The following CSMD1 variants were observed in gnomAD, a reference collection of about 807,000 sequenced individuals.
The protein encoded by CSMD1 is CUB and Sushi multiple domains 1, also known as CUB and sushi domain-containing protein 1.
CSMD1 carries 213 observed loss-of-function variants against 417.5 expected under a neutral mutation model. The observed-to-expected ratio is 0.51, with a 90% CI of 0.46 to 0.57. CSMD1 has a LOEUF of 0.57. Ranked by LOEUF, CSMD1 falls within the 20% of genes least tolerant of loss-of-function variation. The pLI, the probability that CSMD1 is intolerant of heterozygous loss-of-function variation, is 0.00. For synonymous variants in CSMD1, 2,862 were observed against 1,736.8 expected, an observed-to-expected ratio of 1.65 and a Z score of -16.11; for missense variants, 6,923 against 4,529.7, an observed-to-expected ratio of 1.53 and a Z score of -15.17.
At chr8:4,492,640 G>C (rs1801763614) in intron 2 of CSMD1, among the ~76,000 whole-genome samples, 1 of 152,074 alleles carries the variant, frequency 6.6e-6, no homozygotes, top group African/African-American at 2.4e-5. Flanking sequence ...TGCCGCCTTT[G>C]GATTTATATT....
At chr8:4,279,428 T>C (rs117339191) in intron 3 of CSMD1, among the ~76,000 whole-genome samples, 109 of 152,324 alleles carry the variant, frequency 7.2e-4, no homozygotes, top group Non-Finnish European at 1.2e-3. Flanking sequence ...TTTGGCAGTA[T>C]TGTCCTTGGA....
chr8:4,897,989 C>G (rs946043016), intron 1 of CSMD1, among the ~76,000 whole-genome samples: 4 of 152,046 alleles, frequency 2.6e-5, no homozygotes, highest in Admixed American at 6.5e-5. Flanking sequence ...GGGCTACTTT[C>G]TTTTAGCTCT....
chr8:4,695,644 G>T (rs1398272820), intron 1 of CSMD1, among the ~76,000 whole-genome samples: 1 of 152,000 alleles, frequency 6.6e-6, no homozygotes, highest in Non-Finnish European at 1.5e-5. Context: ...CAAAGAGAGA[G>T]GTGCATTTGT....
At chr8:4,844,563 G>T (rs1801023954) in intron 1 of CSMD1, among the ~76,000 whole-genome samples, 1 of 152,048 alleles carries the variant, frequency 6.6e-6, no homozygotes, top group South Asian at 2.1e-4. Context: ...CAGCCATGAG[G>T]GGTGCACAAC....
chr8:4,479,396 G>C (rs959895237), intron 2 of CSMD1, among the ~76,000 whole-genome samples: 2 of 151,652 alleles, frequency 1.3e-5, no homozygotes, highest in Admixed American at 6.6e-5. Context: ...AGCAGGTAGA[G>C]CTTTCACTTC....
intron 48 of CSMD1, among the ~76,000 whole-genome samples, chr8:3,089,120 G>A (rs998314845): frequency 5.9e-5 from 9 of 152,196 alleles, no homozygotes; most frequent in African/African-American, 2.2e-4. Flanking sequence ...ACTGGAGCAG[G>A]GGCCCTGCCA....
At chr8:4,799,073 T>C (rs910163965) in intron 1 of CSMD1, among the ~76,000 whole-genome samples, 10 of 152,188 alleles carry the variant, frequency 6.6e-5, no homozygotes, top group African/African-American at 2.2e-4. Flanking sequence ...AGGGCTTGCA[T>C]TGGCCGACCC....
intron 6 of CSMD1, among the ~76,000 whole-genome samples, chr8:3,748,192 G>C (rs945290541): frequency 6.6e-6 from 1 of 152,142 alleles, no homozygotes; most frequent in Non-Finnish European, 1.5e-5. Context: ...AATTAAAGTA[G>C]ATATTTAGGA....
intron 8 of CSMD1, chr8:3,598,363 C>A (rs1418623814): frequency 6.6e-6 from 1 of 152,182 alleles, no homozygotes; most frequent in East Asian, 1.9e-4. Context: ...AACTTCTTGT[C>A]ATTTAGATCC....
At chr8:4,882,128 G>A (rs368452604) in intron 1 of CSMD1, among the ~76,000 whole-genome samples, 6 of 152,084 alleles carry the variant, frequency 3.9e-5, no homozygotes, top group South Asian at 4.2e-4. Flanking sequence ...ACTAGAGTAG[G>A]CTGATGAAGC....
At position 3,082,485 on chromosome 8, in the gene CSMD1, G is replaced by T. The variant is rs1012818420; in HGVS notation, c.7474+4612C>A. 3.3e-5 allele frequency among the ~76,000 whole-genome samples: 5 copies of T among 152,236 alleles called. No homozygotes were observed. In the East Asian group the frequency reaches 7.7e-4, roughly 24 times the overall value. ...CGCCGGATGACTATCCATTCCTGCTGACTATCATATTGACTTGTACTTATC... is the reference window on the plus strand; with the variant it reads ...CGCCGGATGACTATCCATTCCTGCTTACTATCATATTGACTTGTACTTATC... On this transcript the variant is annotated intron_variant, in intron 49 of 69. Coordinates refer to ENST00000635120, the MANE Select transcript of CSMD1 (RefSeq NM_033225.6).
In CSMD1 at chr8:3,406,781, T is replaced by C. The variant is rs1038805017; in HGVS notation, c.2072-560A>G. Among the ~76,000 whole-genome samples the C allele has an allele frequency of 3.9e-5, 6 of 152,350 alleles. No individual in the cohort carries two copies. In the East Asian group the frequency reaches 9.6e-4, roughly 24 times the overall value. ...TAGTATTACTCATATTAATATTCTC[T>C]CACTTTATTCCATCTACAGTGCATT... On this transcript the variant is annotated intron_variant, in intron 14 of 69. Transcript: ENST00000635120.
intron 7 of CSMD1, among the ~76,000 whole-genome samples, chr8:3,671,759 C>T (rs1436221184): frequency 1.3e-5 from 2 of 151,752 alleles, no homozygotes; most frequent in South Asian, 2.1e-4. Context: ...AAACAGGCCC[C>T]TTGCTCAGGT....
chr8:4,689,154 G>C (rs1023521254), intron 1 of CSMD1, among the ~76,000 whole-genome samples: 1 of 152,150 alleles, frequency 6.6e-6, no homozygotes, highest in Admixed American at 6.5e-5. Context: ...TTCAGCAAAG[G>C]TAACAGGCCC....
In CSMD1 at chr8:4,873,558, C is replaced by T. The variant is rs546370475; in HGVS notation, c.85+120774G>A. 2.6e-5 allele frequency among the ~76,000 whole-genome samples: 4 copies of T among 152,192 alleles called. No homozygotes were observed. The South Asian group carries it at 8.3e-4, about 32-fold the overall frequency. Reference sequence around the variant, plus strand: ...TAACAGCATCTAAGAACATATGATACTTCAAAGTTGCTGACAAGAAACAAT... The same window carrying T: ...TAACAGCATCTAAGAACATATGATATTTCAAAGTTGCTGACAAGAAACAAT... On this transcript the variant is annotated intron_variant, in intron 1 of 69. Transcript: ENST00000635120.
intron 37 of CSMD1, among the ~76,000 whole-genome samples, chr8:3,175,973 C>A (rs1484180908): frequency 6.6e-6 from 1 of 152,096 alleles, no homozygotes; most frequent in African/African-American, 2.4e-5. Flanking sequence ...ATAACTGCAA[C>A]AGTCTTTTGC....
At chr8:3,343,050 A>C (rs1055443513) in intron 23 of CSMD1, among the ~76,000 whole-genome samples, 4 of 152,174 alleles carry the variant, frequency 2.6e-5, no homozygotes, top group African/African-American at 9.6e-5. Flanking sequence ...AAATGTTGTA[A>C]GACGTTTCCT....
chr8:4,153,360 C>T (rs1356071946), intron 3 of CSMD1, among the ~76,000 whole-genome samples: 1 of 152,212 alleles, frequency 6.6e-6, no homozygotes, highest in Admixed American at 6.5e-5. Flanking sequence ...TCTCTTTCTA[C>T]ATTCTGGAAG....
intron 5 of CSMD1, among the ~76,000 whole-genome samples, chr8:3,930,708 A>G (rs1397003223): frequency 2.7e-5 from 4 of 150,360 alleles, no homozygotes; most frequent in Non-Finnish European, 5.9e-5. Flanking sequence ...TGCAGAAAGG[A>G]AAAAAATGGC....
Sources: gnomAD v4.1 joint callset for allele counts (sites outside exome capture counted in the v4.1 genomes callset) on GRCh38, gnomAD v4.1.1 for gene constraint, MANE v1.5 for transcripts, NCBI Gene and HGNC (gene_info 2026-07-23, HGNC 2026-07-21) for gene names.